Variants in ROBO1 observed in about 807,000 individuals in gnomAD.
The protein encoded by ROBO1 is roundabout guidance receptor 1.
A neutral mutation model predicts 195.9 loss-of-function variants in ROBO1; 149 were observed. The observed-to-expected ratio is 0.76, with a 90% CI of 0.67 to 0.87. ROBO1 has a LOEUF of 0.87. ROBO1 is among the 40% of genes least tolerant of loss of function. The pLI is 0.00. For synonymous variants in ROBO1, 816 were observed against 733.2 expected, an observed-to-expected ratio of 1.11 and a Z score of -1.82; for missense variants, 1,933 against 2,068.3, an observed-to-expected ratio of 0.93 and a Z score of 1.27.
At position 79,376,507 on chromosome 3, in the gene ROBO1, G is replaced by A. The variant is rs529090905; in HGVS notation, c.88+213317C>T. Among the ~76,000 whole-genome samples, 6 of 152,288 alleles carry A rather than the reference G, an allele frequency of 3.9e-5. No homozygotes were observed. In the East Asian group the frequency reaches 9.7e-4, roughly 25 times the overall value. On this transcript the variant is annotated intron_variant, in intron 2 of 30. Transcript: ENST00000464233. ...TCCCATGTGTTGTGGGAGGGACCTG[G>A]TGTGAGGTAATTGAATCATGGGGGC...
At chr3:78,608,796 G>C (rs866598030) in intron 28 of ROBO1, among the ~76,000 whole-genome samples, 5 of 152,028 alleles carry the variant, frequency 3.3e-5, no homozygotes, top group South Asian at 2.1e-4. Flanking sequence ...GTACAGGGGT[G>C]GGGGGAGGAA....
At chr3:79,013,987 ATAC>A (rs950024345) in intron 3 of ROBO1, among the ~76,000 whole-genome samples, 2 of 152,194 alleles carry the variant, frequency 1.3e-5, no homozygotes, top group African/African-American at 2.4e-5. Flanking sequence ...AGTCTTCTAT[ATAC>A]ATTGAGGCAG....
chr3:79,079,526 C>T (rs967734406), intron 3 of ROBO1, among the ~76,000 whole-genome samples: 7 of 151,738 alleles, frequency 4.6e-5, no homozygotes, highest in Non-Finnish European at 8.9e-5. Context: ...AGTACTGGTT[C>T]TGCTTTGTCT....
intron 2 of ROBO1, among the ~76,000 whole-genome samples, chr3:79,189,380 T>C (rs1393569933): frequency 1.3e-5 from 2 of 151,644 alleles, no homozygotes; most frequent in Non-Finnish European, 2.9e-5. Flanking sequence ...AATGTAAATA[T>C]AAAAAAGGAG....
chr3:79,620,166 C>G (rs139069237), intron 1 of ROBO1, among the ~76,000 whole-genome samples: 1 of 152,176 alleles, frequency 6.6e-6, no homozygotes, highest in Non-Finnish European at 1.5e-5. Flanking sequence ...CCCGTCTGTG[C>G]GGGACCCCAC....
At chr3:79,317,947 G>T (rs1295511186) in intron 2 of ROBO1, among the ~76,000 whole-genome samples, 1 of 151,852 alleles carries the variant, frequency 6.6e-6, no homozygotes. Flanking sequence ...TTTATTATAA[G>T]AAATTGGCTC....
rs143923147 is a variant in ROBO1, at chr3:79,120,552, G to A, written c.172+4904C>T. On this transcript the variant is annotated intron_variant, in intron 3 of 30. Transcript: ENST00000464233. ...TAGTGAAGAAACCAGGAAAGAGAAA[G>A]TAATTAGATCTAAGAAACAGGAGAT... Among the ~76,000 whole-genome samples, 641 of 152,216 alleles carry A rather than the reference G, an allele frequency of 4.2e-3. 1 individual carries two copies. The highest frequency in any genetic ancestry group is 0.015 in the African/African-American group (614 of 41,534).
At chr3:79,377,093 A>G (rs1220552235) in intron 2 of ROBO1, among the ~76,000 whole-genome samples, 1 of 152,210 alleles carries the variant, frequency 6.6e-6, no homozygotes, top group African/African-American at 2.4e-5. Flanking sequence ...TTTTCAAGCC[A>G]CTGAGAAACA....
chr3:78,716,953 C>T (rs1217055695), intron 7 of ROBO1, among the ~76,000 whole-genome samples: 4 of 152,074 alleles, frequency 2.6e-5, no homozygotes, highest in African/African-American at 4.8e-5. Context: ...TCTTTCTTCC[C>T]TTTCCTGCCT....
rs76931576 is a variant in ROBO1, at chr3:79,657,926, C to A, written c.-50-67965G>T. On this transcript the variant is annotated intron_variant, in intron 1 of 30. Coordinates refer to ENST00000464233, the MANE Select transcript of ROBO1 (RefSeq NM_002941.4). The stretch of plus-strand genomic sequence containing the variant: ...CACACTCTCTATGACTTGAGGGAAT[C>A]ATAAAAAGCATCTATCAATGGTGTC... 5.8e-4 allele frequency among the ~76,000 whole-genome samples: 88 copies of A among 151,972 alleles called. 1 individual carries two copies. The East Asian group carries it at 0.015, about 26-fold the overall frequency.
intron 4 of ROBO1, among the ~76,000 whole-genome samples, chr3:78,871,254 A>AC: frequency 6.6e-6 from 1 of 152,088 alleles, no homozygotes; most frequent in Non-Finnish European, 1.5e-5. Context: ...TACCTTTGTA[A>AC]CCCTACATAT....
intron 2 of ROBO1, among the ~76,000 whole-genome samples, chr3:79,287,741 A>G (rs2031978602): frequency 6.6e-6 from 1 of 152,122 alleles, no homozygotes; most frequent in Admixed American, 6.5e-5. Context: ...TTATTCCTGC[A>G]TTGTACTTGC....
intron 28 of ROBO1, among the ~76,000 whole-genome samples, chr3:78,609,265 C>T (rs1235397295): frequency 6.6e-6 from 1 of 152,158 alleles, no homozygotes; most frequent in Non-Finnish European, 1.5e-5. Context: ...CTCCGTACCT[C>T]CCCACCTCCA....
chr3:79,005,449 G>A lies in ROBO1; in HGVS notation c.173-66522C>T, dbSNP rs140914688. On this transcript the variant is annotated intron_variant, in intron 3 of 30. Transcript: ENST00000464233. The stretch of plus-strand genomic sequence containing the variant: ...AAAAACAAATTCTATGTATTTTACC[G>A]TGAAACAGAATGAAAACTAAAAATT... Among the ~76,000 whole-genome samples, 445 of 152,158 alleles carry A rather than the reference G, an allele frequency of 2.9e-3. 1 individual carries two copies. Among genetic ancestry groups the A allele is most frequent in the Middle Eastern group, 0.01 (3 of 294 alleles).
In ROBO1 at chr3:79,720,953, C is replaced by T. The variant is rs569525348; in HGVS notation, c.-51+46799G>A. Among the ~76,000 whole-genome samples, 362 of 152,062 alleles carry T rather than the reference C, an allele frequency of 2.4e-3. 2 individuals are homozygous for T. Among genetic ancestry groups the T allele is most frequent in the African/African-American group, 8.4e-3 (347 of 41,488 alleles). On this transcript the variant is annotated intron_variant, in intron 1 of 30. Transcript: ENST00000464233. ...GACTACAGGCGCCCGCCACCGTGCC[C>T]GGCTAATTTTTTGTATTTTTAGTAA...
At chr3:79,397,223 T>C (rs766924411) in intron 2 of ROBO1, among the ~76,000 whole-genome samples, 18 of 150,508 alleles carry the variant, frequency 1.2e-4, no homozygotes, top group Non-Finnish European at 2.4e-4. Context: ...AATAAGTATA[T>C]ATATACACTT....
intron 2 of ROBO1, among the ~76,000 whole-genome samples, chr3:79,533,699 T>C (rs1423240177): frequency 6.6e-6 from 1 of 152,136 alleles, no homozygotes; most frequent in Non-Finnish European, 1.5e-5. Flanking sequence ...CTGCCCCTAA[T>C]CATTAATATA....
chr3:78,960,997 T>G (rs796965265), intron 3 of ROBO1, among the ~76,000 whole-genome samples: 1 of 152,162 alleles, frequency 6.6e-6, no homozygotes, highest in Admixed American at 6.5e-5. Context: ...GTATAGCCAA[T>G]TGGAATCTTA....
At chr3:79,492,140 G>A (rs1559937935) in intron 2 of ROBO1, among the ~76,000 whole-genome samples, 2 of 152,072 alleles carry the variant, frequency 1.3e-5, no homozygotes, top group Non-Finnish European at 2.9e-5. Flanking sequence ...AAAAGAGGCC[G>A]TAGGTCAGGC....
Sources: allele counts gnomAD v4.1 joint callset (sites outside exome capture counted in the v4.1 genomes callset), GRCh38; gene constraint gnomAD v4.1.1; transcripts MANE v1.5; gene names NCBI Gene and HGNC (gene_info 2026-07-23, HGNC 2026-07-21).